PTTG1IP: variants seen among roughly 807,000 people sequenced by gnomAD.
PTTG1IP encodes the protein pituitary tumor-transforming gene 1 protein-interacting protein.
Under a neutral mutation model 24.4 loss-of-function variants are expected in PTTG1IP, and 16 were observed. The observed-to-expected ratio is 0.66, with a 90% CI of 0.44 to 1.00. The LOEUF (loss-of-function observed/expected upper bound fraction) is 1.00. PTTG1IP is among the 50% of genes least tolerant of loss of function. PTTG1IP has a pLI of 0.00. For missense variants in PTTG1IP, 241 were observed against 245.8 expected (o/e 0.98, Z 0.13); for synonymous variants, 89 against 96.8 (o/e 0.92, Z 0.47).
chr21:44,859,199 G>A (rs1482765689), intron 3 of PTTG1IP, among the ~76,000 whole-genome samples: 1 of 152,190 alleles, frequency 6.6e-6, no homozygotes, highest in Non-Finnish European at 1.5e-5. Flanking sequence ...ATCCAATAAA[G>A]CACAGGATTT....
At chr21:44,867,739 C>T (rs1046758805) in intron 1 of PTTG1IP, among the ~76,000 whole-genome samples, 3 of 152,180 alleles carry the variant, frequency 2.0e-5, no homozygotes, top group African/African-American at 4.8e-5. Context: ...GCTGAAGTGG[C>T]GGGTATACAA....
chr21:44,860,141 G>A (rs1266727666), intron 3 of PTTG1IP, among the ~76,000 whole-genome samples: 1 of 152,166 alleles, frequency 6.6e-6, no homozygotes, highest in Non-Finnish European at 1.5e-5. Flanking sequence ...GGCTGAGGTG[G>A]GCAGATCATG....
intron 4 of PTTG1IP, among the ~76,000 whole-genome samples, chr21:44,855,550 C>T (rs1351641871): frequency 2.0e-5 from 3 of 152,176 alleles, no homozygotes; most frequent in Non-Finnish European, 4.4e-5. Context: ...AAGCTTTTTT[C>T]ATACAAAGAA....
chr21:44,857,868 T>A (rs1403342224), intron 3 of PTTG1IP, among the ~76,000 whole-genome samples: 1 of 152,248 alleles, frequency 6.6e-6, no homozygotes, highest in African/African-American at 2.4e-5. Context: ...AGCGTAGAAT[T>A]GCAAAAATTA....
intron 4 of PTTG1IP, 120 bp from the exon 5 acceptor site, chr21:44,855,376 G>T (rs1213782135): frequency 2.9e-6 from 3 of 1,039,218 alleles, no homozygotes; most frequent in Non-Finnish European, 4.4e-6. Context: ...CTTCCCTCCA[G>T]TTCCCAGAGT....
chr21:44,854,115 G>A (rs957012002), intron 5 of PTTG1IP, among the ~76,000 whole-genome samples: 7 of 152,172 alleles, frequency 4.6e-5, no homozygotes, highest in African/African-American at 9.7e-5. Flanking sequence ...GCACCTGACG[G>A]AGGCGCCGCT....
intron 1 of PTTG1IP, chr21:44,872,877 C>A (rs987887631): frequency 1.3e-5 from 2 of 152,358 alleles, no homozygotes; most frequent in Admixed American, 6.5e-5. Flanking sequence ...CAGCGTAGAA[C>A]CGCAATCAGC....
chr21:44,870,080 G>C (rs541530126), intron 1 of PTTG1IP, among the ~76,000 whole-genome samples: 5 of 152,314 alleles, frequency 3.3e-5, no homozygotes, highest in African/African-American at 9.6e-5. Flanking sequence ...GAGAGGAAGA[G>C]GGAGAGAAAA....
At chr21:44,856,427 C>G in intron 3 of PTTG1IP, 63 bp from the exon 4 acceptor site, 1 of 1,518,292 alleles carries the variant, frequency 6.6e-7, no homozygotes, top group South Asian at 1.3e-5. Context: ...AGCACAGCAG[C>G]CTTCCCTCGC....
chr21:44,870,006 C>T (rs1350341267), intron 1 of PTTG1IP, among the ~76,000 whole-genome samples: 5 of 152,298 alleles, frequency 3.3e-5, no homozygotes, highest in African/African-American at 4.8e-5. Flanking sequence ...TCTGGATTAC[C>T]GGTCAGTCTG....
At chr21:44,869,046 C>T (rs2083564279) in intron 1 of PTTG1IP, among the ~76,000 whole-genome samples, 1 of 152,252 alleles carries the variant, frequency 6.6e-6, no homozygotes, top group South Asian at 2.1e-4. Flanking sequence ...CTGTGCCGTG[C>T]TCCTGCCAAA....
chr21:44,855,120 C>T, intron 5 of PTTG1IP, 90 bp downstream of exon 5: 1 of 1,354,748 alleles, frequency 7.4e-7, no homozygotes, highest in Non-Finnish European at 1.0e-6. Flanking sequence ...ACCCACAGCC[C>T]CATCTCAGGC....
At chr21:44,859,669 G>A (rs2083475831) in intron 3 of PTTG1IP, among the ~76,000 whole-genome samples, 1 of 152,094 alleles carries the variant, frequency 6.6e-6, no homozygotes, top group Admixed American at 6.6e-5. Context: ...GAAGGGATGA[G>A]TTCACAAACA....
At chr21:44,871,252 G>A (rs1446115487) in intron 1 of PTTG1IP, among the ~76,000 whole-genome samples, 2 of 151,704 alleles carry the variant, frequency 1.3e-5, no homozygotes, top group Non-Finnish European at 1.5e-5. Context: ...GGGTGACAGG[G>A]GCAGAACTCC....
At chr21:44,852,602 G>A (rs530030336) in intron 5 of PTTG1IP, among the ~76,000 whole-genome samples, 5 of 152,318 alleles carry the variant, frequency 3.3e-5, no homozygotes, top group African/African-American at 7.2e-5. Flanking sequence ...CAGAGGGATG[G>A]TAAGGAAGGG....
At position 44,851,447 on chromosome 21, in the gene PTTG1IP, C is replaced by G. The variant is rs773362459; in HGVS notation, c.*134G>C. The G allele has an allele frequency of 5.6e-6, 9 of 1,606,228 alleles. No homozygotes were observed. The Admixed American group carries it at 1.5e-4, about 27-fold the overall frequency. On this transcript the variant is annotated 3_prime_UTR_variant, in exon 6 of 6. Coordinates refer to ENST00000330938, the MANE Select transcript of PTTG1IP (RefSeq NM_004339.4). ...CTGTCCTTCAGGGGCAGCTCTCCGG[C>G]CGCCTGTCCTGGAAGGCTGGCAGGT...
chr21:44,855,400 G>A (rs2083441955), intron 4 of PTTG1IP, 144 bp from the exon 5 acceptor site: 1 of 832,688 alleles, frequency 1.2e-6, no homozygotes, highest in Non-Finnish European at 1.9e-6. Context: ...ACCAGGGTGA[G>A]GACAAGCTTG....
At chr21:44,858,504 GTCAGTTCCCTC>G (rs1292082183) in intron 3 of PTTG1IP, among the ~76,000 whole-genome samples, 2 of 152,176 alleles carry the variant, frequency 1.3e-5, no homozygotes. Flanking sequence ...AGGAGCAGGT[GTCAGTTCCCTC>G]TCAGCCTCAG....
At chr21:44,862,465 G>A (rs963785480) in intron 2 of PTTG1IP, among the ~76,000 whole-genome samples, 5 of 152,188 alleles carry the variant, frequency 3.3e-5, no homozygotes, top group African/African-American at 1.2e-4. Flanking sequence ...GTTGCGGTGA[G>A]CCGAGATCGC....
Sources: gnomAD v4.1 joint callset for allele counts (sites outside exome capture counted in the v4.1 genomes callset) on GRCh38, gnomAD v4.1.1 for gene constraint, MANE v1.5 for transcripts, NCBI Gene and HGNC (gene_info 2026-07-23, HGNC 2026-07-21) for gene names.